Variants in SLC22A23 observed in about 807,000 individuals in gnomAD.
SLC22A23 encodes ion transporter protein.
Under a neutral mutation model 61.0 loss-of-function variants are expected in SLC22A23, and 26 were observed. The observed-to-expected ratio is 0.43, with a 90% CI of 0.31 to 0.59. The LOEUF is 0.59. SLC22A23 is among the 20% of genes least tolerant of loss of function. SLC22A23 has a pLI of 0.11. For missense variants in SLC22A23, 796 were observed against 934.7 expected, an observed-to-expected ratio of 0.85 and a Z score of 1.94; for synonymous variants, 430 against 413.9, an observed-to-expected ratio of 1.04 and a Z score of -0.47.
intron 6 of SLC22A23, 29 bp downstream of exon 6, chr6:3,289,735 C>A: frequency 6.3e-7 from 1 of 1,599,074 alleles, no homozygotes; most frequent in Non-Finnish European, 8.6e-7. Context: ...CCCCTCCCAC[C>A]CAGCTGGCAC....
At chr6:3,423,844 C>T (rs1288247645) in intron 1 of SLC22A23, among the ~76,000 whole-genome samples, 1 of 152,222 alleles carries the variant, frequency 6.6e-6, no homozygotes, top group African/African-American at 2.4e-5. Flanking sequence ...AAGATGTCCC[C>T]ATCAATTCCG....
chr6:3,425,561 G>A (rs1194616096), intron 1 of SLC22A23, among the ~76,000 whole-genome samples: 4 of 152,102 alleles, frequency 2.6e-5, no homozygotes, highest in Non-Finnish European at 5.9e-5. Context: ...TGGGATTACA[G>A]GCATGAGTCA....
At position 3,323,524 on chromosome 6, in the gene SLC22A23, T is replaced by A; in HGVS notation, c.1082+310A>T. 9 of 456,422 alleles carry A rather than the reference T, an allele frequency of 2.0e-5. 1 individual carries two copies. The highest frequency in any genetic ancestry group is 1.8e-4 in the South Asian group (9 of 49,102). 28.3% of individuals were successfully genotyped at this position (456,422 alleles called of 1,614,324 possible). On this transcript the variant is annotated intron_variant, in intron 4 of 9. Transcript: ENST00000406686. ...CCTCCCTGCAATCCATTCATAAAAA[T>A]TCATGTCAGAATAACCCCGTGGGGT... is the stretch of plus-strand genomic sequence containing the variant.
At chr6:3,280,264 C>T (rs985191423) in intron 9 of SLC22A23, among the ~76,000 whole-genome samples, 1 of 152,102 alleles carries the variant, frequency 6.6e-6, no homozygotes. Context: ...GACACTAAAG[C>T]CGGCCGAGGG....
chr6:3,288,838 G>A (rs921559871), intron 6 of SLC22A23, among the ~76,000 whole-genome samples: 3 of 152,334 alleles, frequency 2.0e-5, no homozygotes, highest in Middle Eastern at 6.8e-3. Flanking sequence ...TCTCTCTCCT[G>A]AGCTCAGGAT....
chr6:3,276,303 A>G (rs757635079), intron 9 of SLC22A23, among the ~76,000 whole-genome samples: 3 of 152,208 alleles, frequency 2.0e-5, no homozygotes, highest in Non-Finnish European at 4.4e-5. Context: ...CCTAGGGGAC[A>G]AAGACTCGCT....
chr6:3,423,293 CTTTGTT>C (rs1770272196), intron 1 of SLC22A23, among the ~76,000 whole-genome samples: 1 of 80,802 alleles, frequency 1.2e-5, no homozygotes, highest in Non-Finnish European at 3.6e-5. Context: ...AGTCACTTTT[CTTTGTT>C]TGTTTCTTTT....
intron 9 of SLC22A23, among the ~76,000 whole-genome samples, chr6:3,275,317 A>G (rs1289425333): frequency 1.3e-5 from 2 of 152,240 alleles, no homozygotes; most frequent in Non-Finnish European, 2.9e-5. Context: ...TGAACTCAAA[A>G]TGGATAATAA....
chr6:3,346,909 T>C (rs1764472267), intron 3 of SLC22A23, among the ~76,000 whole-genome samples: 1 of 152,156 alleles, frequency 6.6e-6, no homozygotes, highest in African/African-American at 2.4e-5. Context: ...AAGGACAACA[T>C]ACATACATTT....
At chr6:3,376,927 A>T (rs1766607495) in intron 3 of SLC22A23, among the ~76,000 whole-genome samples, 1 of 152,028 alleles carries the variant, frequency 6.6e-6, no homozygotes, top group African/African-American at 2.4e-5. Context: ...TGGTAGATGG[A>T]GGAAGAAGGG....
At position 3,290,091 on chromosome 6, in the gene SLC22A23, G is replaced by A. The variant is rs1581621386; in HGVS notation, c.1211-225C>T. 5 of 578,048 alleles carry A rather than the reference G, an allele frequency of 8.6e-6. No homozygotes were observed. The East Asian group carries it at 1.5e-4, about 17-fold the overall frequency. 35.8% of individuals were successfully genotyped at this position (578,048 alleles called of 1,614,324 possible). On this transcript the variant is annotated intron_variant, in intron 5 of 9. Transcript: ENST00000406686. ...TCAGGTTTCGCTCGGGTGCCTGAGAGGGCACCAAGGTGCACCGTCAGCAGA... is the reference window on the plus strand; with the variant it reads ...TCAGGTTTCGCTCGGGTGCCTGAGAAGGCACCAAGGTGCACCGTCAGCAGA...
intron 3 of SLC22A23, among the ~76,000 whole-genome samples, chr6:3,388,871 A>G (rs966722955): frequency 2.6e-5 from 4 of 152,182 alleles, no homozygotes; most frequent in African/African-American, 9.7e-5. Context: ...TGTCAAATTC[A>G]AAGAGACAGA....
intron 3 of SLC22A23, among the ~76,000 whole-genome samples, chr6:3,380,357 TA>T (rs1228103407): frequency 1.3e-5 from 2 of 152,192 alleles, no homozygotes; most frequent in African/African-American, 4.8e-5. Flanking sequence ...CAAACCACAA[TA>T]ATAAGGAATT....
At chr6:3,351,552 G>A (rs918378672) in intron 3 of SLC22A23, among the ~76,000 whole-genome samples, 35 of 152,158 alleles carry the variant, frequency 2.3e-4, no homozygotes, top group African/African-American at 8.4e-4. Flanking sequence ...CTAATGAGCA[G>A]TCATCCAGGC....
intron 3 of SLC22A23, among the ~76,000 whole-genome samples, chr6:3,325,874 G>A (rs1328124217): frequency 1.3e-5 from 2 of 152,244 alleles, no homozygotes; most frequent in Admixed American, 6.5e-5. Context: ...CAAAGTCAAA[G>A]AGATAATGTG....
intron 1 of SLC22A23, among the ~76,000 whole-genome samples, chr6:3,445,563 A>T (rs1320164912): frequency 6.6e-6 from 1 of 152,188 alleles, no homozygotes; most frequent in Non-Finnish European, 1.5e-5. Context: ...TTAACCTCAT[A>T]AAGTCAAAGA....
At chr6:3,440,644 T>C (rs1476291734) in intron 1 of SLC22A23, among the ~76,000 whole-genome samples, 2 of 148,792 alleles carry the variant, frequency 1.3e-5, no homozygotes, top group Non-Finnish European at 3.0e-5. Flanking sequence ...GAGGTGGAGG[T>C]TGCAGTGAGC....
chr6:3,420,232 G>GA (rs34794008), intron 1 of SLC22A23, among the ~76,000 whole-genome samples: 1,663 of 102,622 alleles, frequency 0.016, 6 homozygotes, highest in East Asian at 0.054. Flanking sequence ...AGCAAAATGA[G>GA]AAAAAAAAAA....
chr6:3,295,352 A>G (rs1760988848), intron 5 of SLC22A23, among the ~76,000 whole-genome samples: 1 of 152,114 alleles, frequency 6.6e-6, no homozygotes, highest in Admixed American at 6.6e-5. Flanking sequence ...GGACCTGTGG[A>G]GAGGGAGACG....
Sources: gnomAD v4.1 joint callset for allele counts (sites outside exome capture counted in the v4.1 genomes callset) on GRCh38, gnomAD v4.1.1 for gene constraint, MANE v1.5 for transcripts, NCBI Gene and HGNC (gene_info 2026-07-23, HGNC 2026-07-21) for gene names.